PDE6D: variants seen among roughly 807,000 people sequenced by gnomAD.
The protein encoded by PDE6D is phosphodiesterase 6D.
A neutral mutation model predicts 21.9 loss-of-function variants in PDE6D; 10 were observed. The ratio of observed to expected loss-of-function variants is 0.46; its 90% CI spans 0.28 to 0.78. The LOEUF (loss-of-function observed/expected upper bound fraction) is 0.78, where lower values mean the gene tolerates loss of function less well. PDE6D is among the 30% of genes least tolerant of loss of function. PDE6D has a pLI of 0.12. For missense variants in PDE6D, 139 were observed against 184.8 expected (o/e 0.75, Z 1.44); for synonymous variants, 59 against 63.5 (o/e 0.93, Z 0.34).
rs2106283507 is a variant in PDE6D, at chr2:231,768,034, C to T, written c.50+13031G>A. On this transcript the variant is annotated intron_variant, in intron 1 of 4. Coordinates refer to ENST00000287600, the MANE Select transcript of PDE6D (RefSeq NM_002601.4). Reference sequence around the variant, plus strand: ...CTAATTTTTGTATTTTTGGTAGAGGCAGGGTTTCACCATGTTCCCAGGCTG... The same window carrying T: ...CTAATTTTTGTATTTTTGGTAGAGGTAGGGTTTCACCATGTTCCCAGGCTG... Among the ~76,000 whole-genome samples, 3 of 151,976 alleles carry T rather than the reference C, an allele frequency of 2.0e-5. No individual in the cohort carries two copies. In the Middle Eastern group the frequency reaches 0.01, roughly 517 times the overall value.
chr2:231,740,651 A>C (rs2048740176), intron 1 of PDE6D, among the ~76,000 whole-genome samples: 2 of 147,788 alleles, frequency 1.4e-5, no homozygotes, highest in Admixed American at 1.4e-4. Context: ...ACTGCACTCC[A>C]GCCTGGGCGA....
At chr2:231,753,368 C>CAA (rs201808600) in intron 1 of PDE6D, among the ~76,000 whole-genome samples, 10 of 149,722 alleles carry the variant, frequency 6.7e-5, no homozygotes, top group African/African-American at 2.4e-4. Flanking sequence ...CTAAAAAATA[C>CAA]AAAAAAAACC....
Position 231,737,248 on chromosome 2 carries a change from T to C in PDE6D, c.310A>G (p.Thr104Ala). 6.2e-7 allele frequency: 1 copy of C among 1,613,298 alleles called. No individual in the cohort carries two copies. Among genetic ancestry groups the C allele is most frequent in the South Asian group, 1.1e-5 (1 of 91,050 alleles). ...GCTGCCTCTATCAAGGACTGCCAGG[T>C]ATTTGTGGAGTTAGGGATCACAAAG... ...FGFVIPNSTN[T>A]WQSLIEAAPE... is the part of the protein sequence containing the mutation. Residue 104 changes from threonine to alanine, a missense_variant, in exon 4 of 5, where the codon ACC becomes GCC. Physicochemically the swap from Thr to Ala is moderately conservative, Grantham distance 58. Transcript: ENST00000287600.
chr2:231,776,275 C>T (rs987642635), intron 1 of PDE6D, among the ~76,000 whole-genome samples: 12 of 136,660 alleles, frequency 8.8e-5, no homozygotes, highest in Non-Finnish European at 1.7e-4. Context: ...GAGTTGAGAT[C>T]ACATCACTGC....
rs956469776 is a variant in PDE6D at position 231,754,674 on chromosome 2, CTTTT to C, written c.51-15490_51-15487del. Among the ~76,000 whole-genome samples the C allele has an allele frequency of 3.5e-5, 5 of 143,532 alleles. No individual in the cohort carries two copies. In the East Asian group the frequency reaches 5.8e-4, roughly 17 times the overall value. 94.2% of individuals were successfully genotyped at this position (143,532 alleles called of 152,430 possible). ...GGTGTGAGCCACCACGCCCAGCCTT[CTTTT>C]GTCTTTTTTTTTTTTGTATGAGAAT... is the stretch of plus-strand genomic sequence containing the variant. On this transcript the variant is annotated intron_variant, in intron 1 of 4. Coordinates refer to ENST00000287600, the MANE Select transcript of PDE6D (RefSeq NM_002601.4).
chr2:231,776,548 C>T (rs13425658), intron 1 of PDE6D, among the ~76,000 whole-genome samples: 42,787 of 151,876 alleles, frequency 0.28, 6,133 homozygotes, highest in Non-Finnish European at 0.31. Context: ...AGGTGGCTGG[C>T]GTTTGTAATA....
intron 1 of PDE6D, among the ~76,000 whole-genome samples, chr2:231,753,004 T>G (rs2048854086): frequency 6.6e-6 from 1 of 150,402 alleles, no homozygotes; most frequent in Non-Finnish European, 1.5e-5. Flanking sequence ...GCTAATTTTT[T>G]GTATTTTTAG....
At chr2:231,737,156 C>G in intron 4 of PDE6D, 31 bp downstream of exon 4, 1 of 1,327,142 alleles carries the variant, frequency 7.5e-7, no homozygotes, top group African/African-American at 1.4e-5. Context: ...TCTAGACACA[C>G]TTCATAATTT....
Position 231,739,090 on chromosome 2 carries a change from T to C in PDE6D, c.139+10A>G. Reference sequence around the variant, plus strand: ...TCACAGCCCTGTGTAGATAAAGGGTTGGAAAGTACCTTCATGCTCCACACC... The same window carrying C: ...TCACAGCCCTGTGTAGATAAAGGGTCGGAAAGTACCTTCATGCTCCACACC... On this transcript the variant is annotated intron_variant, in intron 2 of 4. Coordinates refer to ENST00000287600, the MANE Select transcript of PDE6D (RefSeq NM_002601.4). This position sits in a 1 kb window ranked among gnomAD's most constrained non-coding sequence, Gnocchi z 4.2. 6.3e-7 allele frequency: 1 copy of C among 1,584,642 alleles called. No individual in the cohort carries two copies. Among genetic ancestry groups the C allele is most frequent in the Non-Finnish European group, 8.7e-7 (1 of 1,153,836 alleles).
chr2:231,780,148 C>T (rs2049094813), intron 1 of PDE6D, among the ~76,000 whole-genome samples: 1 of 152,170 alleles, frequency 6.6e-6, no homozygotes, highest in African/African-American at 2.4e-5. Context: ...ACAAAGCTTC[C>T]TTACGGAGAG....
At chr2:231,764,061 C>T (rs1049543295) in intron 1 of PDE6D, among the ~76,000 whole-genome samples, 2 of 152,132 alleles carry the variant, frequency 1.3e-5, no homozygotes, top group Admixed American at 6.5e-5. Context: ...TTCTAGGAAA[C>T]AGGAAGAATA....
intron 1 of PDE6D, among the ~76,000 whole-genome samples, chr2:231,740,558 G>C (rs2048739334): frequency 6.6e-6 from 1 of 151,730 alleles, no homozygotes; most frequent in Admixed American, 6.6e-5. Context: ...GTGCATGCCT[G>C]TGGTCCCAGC....
intron 1 of PDE6D, among the ~76,000 whole-genome samples, chr2:231,762,886 C>T (rs1246823420): frequency 6.6e-6 from 1 of 151,778 alleles, no homozygotes; most frequent in Non-Finnish European, 1.5e-5. Flanking sequence ...ATCAGCTGAG[C>T]CCAGGAGTTC....
chr2:231,753,394 C>A (rs2048858137), intron 1 of PDE6D, among the ~76,000 whole-genome samples: 2 of 150,966 alleles, frequency 1.3e-5, no homozygotes, highest in Non-Finnish European at 3.0e-5. Context: ...AAACAAAAAA[C>A]AAAAAACATA....
chr2:231,774,104 T>C (rs1335494878), intron 1 of PDE6D, among the ~76,000 whole-genome samples: 3 of 152,086 alleles, frequency 2.0e-5, no homozygotes, highest in African/African-American at 7.2e-5. Context: ...TGACTAATTT[T>C]GTATTTTTAG....
rs1192555580 is a variant in PDE6D at position 231,732,981 on chromosome 2, T to C, written c.424A>G (p.Thr142Ala). The change falls in exon 5 of 5, where the codon ACA becomes GCA. Residue 142 changes from threonine to alanine, a missense_variant. Coordinates refer to ENST00000287600, the MANE Select transcript of PDE6D (RefSeq NM_002601.4). The stretch of plus-strand genomic sequence containing the variant: ...ACATAGAAAAGTCTCACTCTGGATG[T>C]GCTTACAAGAAGATCGTCGTCAAAA... ...KFFDDDLLVS[T>A]SRVRLFYV 6.2e-7 allele frequency: 1 copy of C among 1,612,564 alleles called. No homozygotes were observed. The highest frequency in any genetic ancestry group is 8.5e-7 in the Non-Finnish European group (1 of 1,178,588).
chr2:231,777,831 A>G (rs2049068922), intron 1 of PDE6D, among the ~76,000 whole-genome samples: 1 of 152,272 alleles, frequency 6.6e-6, no homozygotes, highest in South Asian at 2.1e-4. Flanking sequence ...TGTCTACCAC[A>G]TACCAAATGT....
intron 4 of PDE6D, among the ~76,000 whole-genome samples, chr2:231,734,134 A>G (rs1353545961): frequency 2.6e-5 from 4 of 151,962 alleles, no homozygotes; most frequent in African/African-American, 9.7e-5. Context: ...GAATGGTGGG[A>G]ACCCGGGAGG....
intron 1 of PDE6D, among the ~76,000 whole-genome samples, chr2:231,748,983 G>A (rs552705788): frequency 2.0e-5 from 3 of 152,300 alleles, no homozygotes; most frequent in African/African-American, 4.8e-5. Context: ...CTCATAAAGC[G>A]CCTCAGCTAG....
Sources: allele counts gnomAD v4.1 joint callset (sites outside exome capture counted in the v4.1 genomes callset), GRCh38; gene constraint gnomAD v4.1.1; non-coding constraint Gnocchi (gnomAD v3.1); transcripts MANE v1.5; gene names NCBI Gene and HGNC (gene_info 2026-07-23, HGNC 2026-07-21).